Variants in ANKUB1 observed in about 807,000 individuals in gnomAD.
ANKUB1 encodes protein ANKUB1.
Under a neutral mutation model 49.3 loss-of-function variants are expected in ANKUB1, and 42 were observed. The ratio of observed to expected loss-of-function variants is 0.85; its 90% CI spans 0.67 to 1.10. The LOEUF (loss-of-function observed/expected upper bound fraction) is 1.10. Among genes scored for constraint, ANKUB1 ranks in the 50% least tolerant of loss-of-function variants. The pLI, the probability that ANKUB1 is intolerant of heterozygous loss-of-function variation, is 0.00. For missense variants in ANKUB1, 613 were observed against 642.0 expected, an observed-to-expected ratio of 0.95 and a Z score of 0.49; for synonymous variants, 222 against 231.0, an observed-to-expected ratio of 0.96 and a Z score of 0.35.
intron 4 of ANKUB1, among the ~76,000 whole-genome samples, chr3:149,769,712 A>G (rs1717239349): frequency 6.6e-6 from 1 of 152,226 alleles, no homozygotes; most frequent in Admixed American, 6.5e-5. Context: ...ATGAAAAAGA[A>G]TTGTTTTATG....
chr3:149,773,060 G>C (rs749317704), intron 3 of ANKUB1, among the ~76,000 whole-genome samples: 5 of 152,190 alleles, frequency 3.3e-5, no homozygotes, highest in Admixed American at 6.5e-5. Context: ...AGCCAGCTGG[G>C]AATTTCCAGA....
intron 3 of ANKUB1, chr3:149,779,126 T>C (rs1283090628): frequency 6.6e-6 from 1 of 152,160 alleles, no homozygotes; most frequent in Non-Finnish European, 1.5e-5. Context: ...CAGCCTTTTT[T>C]GTTTGTCTTA....
intron 3 of ANKUB1, 72 bp from the exon 4 acceptor site, chr3:149,770,746 G>T: frequency 1.1e-6 from 1 of 898,418 alleles, no homozygotes; most frequent in South Asian, 1.8e-5. Context: ...AACTTCTAAT[G>T]GTAGCTTTCC....
rs567177086 is a variant in ANKUB1 at position 149,782,045 on chromosome 3, G to A, written c.235-1590C>T. On this transcript the variant is annotated intron_variant, in intron 2 of 5. Transcript: ENST00000446160. ...TCAAGCTAATGTAGATAATATTTAC[G>A]GGCAGGCAGAAATTCCTATGAAAAC... Among the ~76,000 whole-genome samples the A allele has an allele frequency of 2.9e-4, 44 of 152,174 alleles. No homozygotes were observed. In the South Asian group the frequency reaches 3.5e-3, roughly 12 times the overall value.
At chr3:149,780,021 G>C in intron 3 of ANKUB1, 1 of 556,356 alleles carries the variant, frequency 1.8e-6, no homozygotes, top group Non-Finnish European at 3.2e-6. Context: ...TGCTTGTAAG[G>C]CCAGGAGAGG....
chr3:149,780,310 T>C lies in ANKUB1; in HGVS notation c.380A>G (p.Tyr127Cys), dbSNP rs62622807. 13,903 of 1,551,734 alleles carry C rather than the reference T, an allele frequency of 9.0e-3. 63 individuals carry two copies. Among genetic ancestry groups the C allele is most frequent in the Non-Finnish European group, 0.01 (11,992 of 1,146,992 alleles). The change falls in exon 3 of 6, where the codon TAC (tyrosine) becomes TGC (cysteine). Residue 127 changes from tyrosine to cysteine, a missense_variant. Physicochemically the swap from Tyr to Cys is radical, Grantham distance 194. Transcript: ENST00000446160. ...TLRCGLPVSVYCLRTPRGLEM... is the reference protein window; with the variant it reads ...TLRCGLPVSVCCLRTPRGLEM... ...CAGGCCCCTTGGGGTTCGGAGACAGTAGACACTCACGGGGAGGCCACATCT... is the reference window on the plus strand; with the variant it reads ...CAGGCCCCTTGGGGTTCGGAGACAGCAGACACTCACGGGGAGGCCACATCT...
At chr3:149,768,817 A>G (rs1230675752) in intron 4 of ANKUB1, among the ~76,000 whole-genome samples, 1 of 151,536 alleles carries the variant, frequency 6.6e-6, no homozygotes, top group Non-Finnish European at 1.5e-5. Context: ...TAATGGGATT[A>G]CAGGTGTGAA....
At chr3:149,774,530 C>G (rs1262883877) in intron 3 of ANKUB1, among the ~76,000 whole-genome samples, 2 of 152,234 alleles carry the variant, frequency 1.3e-5, no homozygotes, top group Non-Finnish European at 2.9e-5. Flanking sequence ...AGAGTCTCAG[C>G]TCTCTCTAGC....
intron 2 of ANKUB1, among the ~76,000 whole-genome samples, chr3:149,787,858 C>A (rs1326510766): frequency 6.6e-6 from 1 of 152,128 alleles, no homozygotes; most frequent in Non-Finnish European, 1.5e-5. Flanking sequence ...ATAAAGAAGC[C>A]AACTATTTTG....
chr3:149,784,284 A>T (rs1379985312), intron 2 of ANKUB1, among the ~76,000 whole-genome samples: 1 of 152,194 alleles, frequency 6.6e-6, no homozygotes, highest in Non-Finnish European at 1.5e-5. Flanking sequence ...AGTCCTAGGG[A>T]GGCTGAGCCC....
intron 4 of ANKUB1, among the ~76,000 whole-genome samples, chr3:149,769,482 G>C (rs142194863): frequency 3.9e-5 from 6 of 152,190 alleles, no homozygotes; most frequent in Admixed American, 2.0e-4. Flanking sequence ...AGATACAGAC[G>C]TCCTTTGACT....
At chr3:149,766,609 G>A in intron 5 of ANKUB1, 1 of 438,984 alleles carries the variant, frequency 2.3e-6, no homozygotes, top group South Asian at 2.6e-5. Flanking sequence ...AGACCAACCT[G>A]GGCAACATGG....
Position 149,767,845 on chromosome 3 carries a change from C to T in ANKUB1, c.817G>A (p.Ala273Thr), listed in dbSNP as rs1455253949. ...SVLCLECKNAAGQTPLTIVFK... is the reference protein window; with the variant it reads ...SVLCLECKNATGQTPLTIVFK... Reference sequence around the variant, plus strand: ...ACAATGGTCAGGGGAGTTTGTCCTGCTGCATTTTTGCATTCCAGGCACAGC... The same window carrying T: ...ACAATGGTCAGGGGAGTTTGTCCTGTTGCATTTTTGCATTCCAGGCACAGC... Residue 273 changes from alanine to threonine, a missense_variant, in exon 5 of 6, where the codon GCA becomes ACA. Physicochemically the swap from Ala to Thr is moderately conservative, Grantham distance 58 (BLOSUM62 0). Transcript: ENST00000446160. 7 of 1,551,712 alleles carry T rather than the reference C, an allele frequency of 4.5e-6. No homozygotes were observed. The African/African-American group carries it at 6.8e-5, about 15-fold the overall frequency.
Position 149,780,464 on chromosome 3 carries a change from A to G in ANKUB1, c.235-9T>C, listed in dbSNP as rs1225533902. On this transcript the variant is annotated splice_polypyrimidine_tract_variant and intron_variant, in intron 2 of 5. Transcript: ENST00000446160. ...GTAGGCTTGTCTTCTTCCTAAAGGG[A>G]AAGAAAAGGAGGGAACTTATTGTCT... 6.5e-7 allele frequency: 1 copy of G among 1,546,290 alleles called. No homozygotes were observed. The highest frequency in any genetic ancestry group is 1.2e-5 in the South Asian group (1 of 83,920).
chr3:149,773,043 G>A (rs999471299), intron 3 of ANKUB1, among the ~76,000 whole-genome samples: 2 of 152,182 alleles, frequency 1.3e-5, no homozygotes, highest in South Asian at 2.1e-4. Flanking sequence ...ATTGCCTGAG[G>A]CTTCTCAGCC....
At chr3:149,768,342 T>G (rs781173802) in intron 4 of ANKUB1, among the ~76,000 whole-genome samples, 6 of 152,168 alleles carry the variant, frequency 3.9e-5, no homozygotes, top group Non-Finnish European at 8.8e-5. Flanking sequence ...CTTATAAAAA[T>G]TAAATCCTCG....
chr3:149,790,689 T>G, intron 2 of ANKUB1, 92 bp downstream of exon 2: 2 of 1,290,022 alleles, frequency 1.6e-6, no homozygotes, highest in Non-Finnish European at 2.1e-6. Context: ...ACAATTTCTT[T>G]TTAAGTTATG....
chr3:149,790,649 C>T (rs1036279824), intron 2 of ANKUB1, 132 bp downstream of exon 2: 4 of 883,910 alleles, frequency 4.5e-6, no homozygotes, highest in Non-Finnish European at 6.7e-6. Flanking sequence ...ACCTGTTATA[C>T]AAATGGAAGT....
chr3:149,787,832 C>T (rs2108281458), intron 2 of ANKUB1, among the ~76,000 whole-genome samples: 1 of 152,198 alleles, frequency 6.6e-6, no homozygotes, highest in African/African-American at 2.4e-5. Flanking sequence ...TGTAAGCACA[C>T]AAAAATATGA....
Sources: allele counts gnomAD v4.1 joint callset (sites outside exome capture counted in the v4.1 genomes callset), GRCh38; gene constraint gnomAD v4.1.1; transcripts MANE v1.5; gene names NCBI Gene and HGNC (gene_info 2026-07-23, HGNC 2026-07-21).